Variants in ATRNL1 observed in about 807,000 individuals in gnomAD.
ATRNL1 encodes the protein attractin-like protein 1.
Under a neutral mutation model 182.7 loss-of-function variants are expected in ATRNL1, and 95 were observed. The observed-to-expected ratio is 0.52, with a 90% CI of 0.44 to 0.62. The LOEUF (loss-of-function observed/expected upper bound fraction) is 0.62, where lower values mean the gene tolerates loss of function less well. ATRNL1 is among the 20% of genes least tolerant of loss of function. The pLI is 0.00. For missense variants in ATRNL1, 1,471 were observed against 1,679.5 expected, an observed-to-expected ratio of 0.88 and a Z score of 2.17; for synonymous variants, 576 against 568.3, an observed-to-expected ratio of 1.01 and a Z score of -0.19.
intron 27 of ATRNL1, among the ~76,000 whole-genome samples, chr10:115,801,861 T>C (rs1949801012): frequency 6.6e-6 from 1 of 152,122 alleles, no homozygotes; most frequent in African/African-American, 2.4e-5. Context: ...ATCAGATGAA[T>C]GTTTATGCTC....
chr10:115,826,652 G>C (rs1555092086), intron 27 of ATRNL1, among the ~76,000 whole-genome samples: 1 of 152,152 alleles, frequency 6.6e-6, no homozygotes, highest in African/African-American at 2.4e-5. Flanking sequence ...GAGTAAGGCA[G>C]AATAGAATTT....
intron 28 of ATRNL1, among the ~76,000 whole-genome samples, chr10:115,877,420 C>A (rs1951725087): frequency 6.6e-6 from 1 of 152,172 alleles, no homozygotes. Context: ...CAAACCAAGT[C>A]CATCTATGGG....
chr10:115,247,221 A>G (rs781945463), intron 10 of ATRNL1, among the ~76,000 whole-genome samples: 56 of 152,164 alleles, frequency 3.7e-4, no homozygotes, highest in Non-Finnish European at 7.4e-4. Flanking sequence ...TGAAAAGACA[A>G]CCTCCAGAAG....
At chr10:115,167,587 G>A in intron 7 of ATRNL1, among the ~76,000 whole-genome samples, 1 of 151,888 alleles carries the variant, frequency 6.6e-6, no homozygotes, top group East Asian at 1.9e-4. Flanking sequence ...CCTTTGGCTA[G>A]GCTGTCTAAA....
At chr10:115,752,703 G>T (rs75411198) in intron 27 of ATRNL1, among the ~76,000 whole-genome samples, 1 of 152,006 alleles carries the variant, frequency 6.6e-6, no homozygotes, top group African/African-American at 2.4e-5. Context: ...CTTGTAGTAC[G>T]TTGAGCACTT....
chr10:115,922,339 C>G (rs973615134), intron 28 of ATRNL1, among the ~76,000 whole-genome samples: 137 of 152,258 alleles, frequency 9.0e-4, no homozygotes, highest in African/African-American at 3.2e-3. Flanking sequence ...TTTAAATTTT[C>G]TGATCATGAG....
intron 15 of ATRNL1, among the ~76,000 whole-genome samples, chr10:115,293,627 G>T (rs188296062): frequency 1.6e-3 from 241 of 152,188 alleles, no homozygotes; most frequent in African/African-American, 5.2e-3. Flanking sequence ...AGGCTCCTTT[G>T]AGCATTTATT....
At chr10:115,847,448 T>C (rs1484249180) in intron 27 of ATRNL1, among the ~76,000 whole-genome samples, 1 of 152,128 alleles carries the variant, frequency 6.6e-6, no homozygotes, top group Non-Finnish European at 1.5e-5. Flanking sequence ...TCACTATGTA[T>C]ATGTATATGT....
At chr10:115,419,992 A>G (rs1388568299) in intron 20 of ATRNL1, among the ~76,000 whole-genome samples, 1 of 151,410 alleles carries the variant, frequency 6.6e-6, no homozygotes, top group African/African-American at 2.4e-5. Context: ...CACATGTAAC[A>G]TTGTTTAAGA....
intron 9 of ATRNL1, among the ~76,000 whole-genome samples, chr10:115,230,207 A>G (rs1402086147): frequency 2.0e-5 from 3 of 152,230 alleles, no homozygotes; most frequent in Non-Finnish European, 2.9e-5. Flanking sequence ...AGAGAGGCAG[A>G]CAATAAATAT....
chr10:115,742,234 A>T (rs1555067855), intron 27 of ATRNL1, among the ~76,000 whole-genome samples: 1 of 152,158 alleles, frequency 6.6e-6, no homozygotes, highest in African/African-American at 2.4e-5. Context: ...CAGTTTCAAG[A>T]GAAAGTTTTT....
At chr10:115,626,259 A>G (rs1183425160) in intron 26 of ATRNL1, among the ~76,000 whole-genome samples, 1 of 152,132 alleles carries the variant, frequency 6.6e-6, no homozygotes, top group African/African-American at 2.4e-5. Flanking sequence ...TTCCTATGTC[A>G]GTTGTTGTTT....
chr10:115,758,219 G>A (rs1234075632), intron 27 of ATRNL1, among the ~76,000 whole-genome samples: 1 of 152,034 alleles, frequency 6.6e-6, no homozygotes, highest in African/African-American at 2.4e-5. Flanking sequence ...GAGAAGTTGT[G>A]ATCCTTTGGA....
intron 26 of ATRNL1, among the ~76,000 whole-genome samples, chr10:115,561,839 G>A (rs984638912): frequency 2.0e-5 from 3 of 151,926 alleles, no homozygotes; most frequent in African/African-American, 7.3e-5. Flanking sequence ...CGATAATAAT[G>A]TTATTATTAT....
At chr10:115,151,222 T>C (rs1564777533) in intron 5 of ATRNL1, among the ~76,000 whole-genome samples, 1 of 152,324 alleles carries the variant, frequency 6.6e-6, no homozygotes, top group Non-Finnish European at 1.5e-5. Flanking sequence ...TTTATAATCC[T>C]TTGGGTATAT....
chr10:115,247,048 C>G (rs1168735940), intron 10 of ATRNL1, among the ~76,000 whole-genome samples: 1 of 152,018 alleles, frequency 6.6e-6, no homozygotes, highest in African/African-American at 2.4e-5. Flanking sequence ...AAAAATGGAT[C>G]AAAACAATAA....
intron 19 of ATRNL1, among the ~76,000 whole-genome samples, chr10:115,383,556 A>G (rs1470001123): frequency 2.6e-5 from 4 of 151,980 alleles, no homozygotes; most frequent in African/African-American, 7.2e-5. Context: ...TATAATATCA[A>G]TGAAAAATTT....
At position 115,948,064 on chromosome 10, in the gene ATRNL1, A is replaced by G. The variant is rs1242535920; in HGVS notation, c.*3285A>G. Reference sequence around the variant, plus strand: ...CATCTTTTGGTCGTAGGTAAAGGTCAATCAGGTTTTTCAAAAAGACTCCCT... The same window carrying G: ...CATCTTTTGGTCGTAGGTAAAGGTCGATCAGGTTTTTCAAAAAGACTCCCT... On this transcript the variant is annotated 3_prime_UTR_variant, in exon 29 of 29. Coordinates refer to ENST00000355044, the MANE Select transcript of ATRNL1 (RefSeq NM_207303.4). The G allele has an allele frequency of 1.3e-5, 2 of 152,198 alleles. No homozygotes were observed. The highest frequency in any genetic ancestry group is 4.8e-5 in the African/African-American group (2 of 41,452). 9.4% of individuals were successfully genotyped at this position (152,198 alleles called of 1,614,324 possible). A position where few individuals can be genotyped will look rare whatever the true frequency, so the allele number is the denominator to read the frequency against.
At chr10:115,359,439 C>T (rs997761065) in intron 19 of ATRNL1, among the ~76,000 whole-genome samples, 3 of 151,460 alleles carry the variant, frequency 2.0e-5, no homozygotes, top group African/African-American at 4.8e-5. Flanking sequence ...TTTTACTTTA[C>T]AGGAAGAGGC....
Sources: gnomAD v4.1 joint callset for allele counts (sites outside exome capture counted in the v4.1 genomes callset) on GRCh38, gnomAD v4.1.1 for gene constraint, MANE v1.5 for transcripts, NCBI Gene and HGNC (gene_info 2026-07-23, HGNC 2026-07-21) for gene names.